Variants in OR52N5 observed in about 807,000 individuals in gnomAD.
The protein encoded by OR52N5 is olfactory receptor family 52 subfamily N member 5.
A neutral mutation model predicts 14.1 loss-of-function variants in OR52N5; 10 were observed. The ratio of observed to expected loss-of-function variants is 0.71; its 90% CI spans 0.44 to 1.20. The LOEUF is 1.20. Ranked by LOEUF, OR52N5 falls within the 50% of genes most tolerant of loss-of-function variation. The pLI, the probability that OR52N5 is intolerant of heterozygous loss-of-function variation, is 0.00. For synonymous variants in OR52N5, 116 were observed against 143.0 expected, an observed-to-expected ratio of 0.81 and a Z score of 1.35; for missense variants, 361 against 403.2, an observed-to-expected ratio of 0.90 and a Z score of 0.90.
In OR52N5 at chr11:5,777,968, T is replaced by C. The variant is rs746749707; in HGVS notation, c.667A>G (p.Ile223Val). The C allele has an allele frequency of 1.4e-5, 22 of 1,519,324 alleles. 5 individuals are homozygous for C. The highest frequency in any genetic ancestry group is 7.2e-5 in the Admixed American group (4 of 55,586). The allele number at this position is 1,519,324 out of a possible 1,614,324, so 94.1% of individuals were successfully genotyped here. A position where few individuals can be genotyped will look rare whatever the true frequency, so the allele number is the denominator to read the frequency against. Residue 223 changes from isoleucine (I) to valine (V), a missense_variant, in exon 3 of 3, where the codon ATA becomes GTA. By Grantham distance (29) the Ile-to-Val change is conservative. Coordinates refer to ENST00000641181, the MANE Select transcript of OR52N5 (RefSeq NM_001385662.1). Reference sequence around the variant, plus strand: ...AGGATCAAAGTGTAAGACAAAGATATACAACAAATGTCAAACACTCCAATC... The same window carrying C: ...AGGATCAAAGTGTAAGACAAAGATACACAACAAATGTCAAACACTCCAATC... ...LLIGVFDICC[I>V]SLSYTLILKA...
chr11:5,778,153 C>A lies in OR52N5; in HGVS notation c.482G>T (p.Gly161Val), dbSNP rs1160030214. Residue 161 changes from glycine to valine, a missense_variant, in exon 3 of 3, where the codon GGT becomes GTT. Gly to Val is a moderately radical substitution (Grantham distance 109). Transcript: ENST00000641181. ...TGGGAAAGGAATCATCAGCAATACA[C>A]CCCTCAGGAAGGTGGCAAGCTCAGC... ...AKAELATFLR[G>V]VLLMIPFPFL... 7.2e-6 allele frequency: 11 copies of A among 1,521,134 alleles called. 2 individuals are homozygous for A. The highest frequency in any genetic ancestry group is 4.7e-5 in the East Asian group (2 of 42,906). 94.2% of individuals were successfully genotyped at this position (1,521,134 alleles called of 1,614,324 possible).
In OR52N5 at chr11:5,777,815, C is replaced by A; in HGVS notation, c.820G>T (p.Gly274Trp). 1.3e-6 allele frequency: 2 copies of A among 1,520,486 alleles called. 1 individual carries two copies. Among genetic ancestry groups the A allele is most frequent in the Non-Finnish European group, 1.8e-6 (2 of 1,114,384 alleles). 94.2% of individuals were successfully genotyped at this position (1,520,486 alleles called of 1,614,324 possible). ...AFFTFFAHRFGGHTIPPSLHI... is the reference protein window; with the variant it reads ...AFFTFFAHRFWGHTIPPSLHI... ...AGAGAAGGGGGAATTGTGTGTCCCC[C>A]AAAACGGTGGGCAAAGAAAGTGAAG... The change falls in exon 3 of 3, where the codon GGG becomes TGG. Residue 274 changes from glycine (G) to tryptophan (W), a missense_variant. Gly to Trp is a radical substitution (Grantham distance 184). Coordinates refer to ENST00000641181, the MANE Select transcript of OR52N5 (RefSeq NM_001385662.1).
Position 5,779,156 on chromosome 11 carries a change from T to A in OR52N5, c.-23-499A>T, listed in dbSNP as rs556433821. Among the ~76,000 whole-genome samples, 76 of 140,042 alleles carry A rather than the reference T, an allele frequency of 5.4e-4. 13 individuals carry two copies. The South Asian group carries it at 0.017, about 31-fold the overall frequency. 91.9% of individuals were successfully genotyped at this position (140,042 alleles called of 152,430 possible). A position where few individuals can be genotyped will look rare whatever the true frequency, so the allele number is the denominator to read the frequency against. On this transcript the variant is annotated intron_variant, in intron 2 of 2. Transcript: ENST00000641181. The stretch of plus-strand genomic sequence containing the variant: ...ATAGCACATTATTCATATTTCAGTT[T>A]TTTCTATACTAACTGTGTGACTTGA...
At position 5,778,395 on chromosome 11, in the gene OR52N5, G is replaced by A. The variant is rs1317879136; in HGVS notation, c.240C>T (p.Leu80=). 1.3e-6 allele frequency: 2 copies of A among 1,519,726 alleles called. 1 individual carries two copies. Among genetic ancestry groups the A allele is most frequent in the South Asian group, 2.3e-5 (2 of 85,780 alleles). The allele number at this position is 1,519,726 out of a possible 1,614,324, so 94.1% of individuals were successfully genotyped here. ...TGGGTAGAGTGGTGGTGCAGGTAAG[G>A]AGGTCAATGAGGGAGAGAGCATGGC... ...FFGHALSLID[L]LTCTTTLPNA... Residue 80 remains leucine (L), a synonymous_variant, in exon 3 of 3, where the codon CTC becomes CTT. Coordinates refer to ENST00000641181, the MANE Select transcript of OR52N5 (RefSeq NM_001385662.1).
Position 5,782,211 on chromosome 11 carries a change from A to T in OR52N5, c.-247-455T>A, listed in dbSNP as rs887272561. ...ACATATTTCATTTGTAAAATTAAAA[A>T]ATATATATATATTATCGACTGTATC... is the stretch of plus-strand genomic sequence containing the variant. On this transcript the variant is annotated intron_variant, in intron 1 of 2. Coordinates refer to ENST00000641181, the MANE Select transcript of OR52N5 (RefSeq NM_001385662.1). Among the ~76,000 whole-genome samples, 12 of 139,266 alleles carry T rather than the reference A, an allele frequency of 8.6e-5. 1 individual carries two copies. Among genetic ancestry groups the T allele is most frequent in the Non-Finnish European group, 9.5e-5 (6 of 63,176 alleles). 91.4% of individuals were successfully genotyped at this position (139,266 alleles called of 152,430 possible). A position where few individuals can be genotyped will look rare whatever the true frequency, so the allele number is the denominator to read the frequency against.
At chr11:5,782,518 C>G (rs1241176161) in intron 1 of OR52N5, among the ~76,000 whole-genome samples, 1 of 140,312 alleles carries the variant, frequency 7.1e-6, no homozygotes, top group African/African-American at 2.6e-5. Context: ...AATCAAGACT[C>G]TTTGTTCAAT....
intron 2 of OR52N5, 110 bp from the exon 3 acceptor site, chr11:5,778,767 T>C (rs1218148813): frequency 3.5e-6 from 2 of 578,814 alleles, no homozygotes; most frequent in Admixed American, 3.5e-5. Context: ...TATACATAAG[T>C]GACTATGAAA....
In OR52N5 at chr11:5,778,059, A is replaced by C. The variant is rs150343311; in HGVS notation, c.576T>G (p.Ser192=). 2.5e-4 allele frequency: 380 copies of C among 1,520,934 alleles called. 64 individuals are homozygous for C. In the African/African-American group the frequency reaches 5.0e-3, roughly 20 times the overall value. 94.2% of individuals were successfully genotyped at this position (1,520,934 alleles called of 1,614,324 possible). The change falls in exon 3 of 3, where the codon TCT becomes TCG. Residue 192 remains serine, a synonymous_variant. Transcript: ENST00000641181. Reference sequence around the variant, plus strand: ...TGCTGGCACAAGATAGCTTTACTACAGACATGTGGTCGCAGTACGTATGGG... The same window carrying C: ...TGCTGGCACAAGATAGCTTTACTACCGACATGTGGTCGCAGTACGTATGGG... ...IISHTYCDHM[S]VVKLSCASIK...
intron 2 of OR52N5, among the ~76,000 whole-genome samples, chr11:5,779,759 C>T (rs1854534342): frequency 7.2e-6 from 1 of 139,314 alleles, no homozygotes; most frequent in Non-Finnish European, 1.6e-5. Context: ...CCAAAATAGA[C>T]TTTACCTCTA....
rs1456788728 is a variant in OR52N5 at position 5,778,074 on chromosome 11, G to C, written c.561C>G (p.Tyr187Ter). ...GCTTTACTACAGACATGTGGTCGCA[G>C]TACGTATGGGAGATAATATTGCTTT... Reference protein sequence around the residue: ...FCQSNIISHTYCDHMSVVKLS... With the variant: ...FCQSNIISHT The change falls in exon 3 of 3, where the codon TAC becomes TAG. Residue 187 changes from tyrosine to a stop codon, truncating the protein, a stop_gained. Coordinates refer to ENST00000641181, the MANE Select transcript of OR52N5 (RefSeq NM_001385662.1). LOFTEE classifies it high-confidence loss of function. The C allele has an allele frequency of 6.6e-7, 1 of 1,519,456 alleles. No individual in the cohort carries two copies. The highest frequency in any genetic ancestry group is 1.2e-5 in the South Asian group (1 of 85,842). The allele number at this position is 1,519,456 out of a possible 1,614,324, so 94.1% of individuals were successfully genotyped here.
rs1020046625 is a variant in OR52N5, at chr11:5,780,861, TA to T, written c.-24+671del. On this transcript the variant is annotated intron_variant, in intron 2 of 2. Coordinates refer to ENST00000641181, the MANE Select transcript of OR52N5 (RefSeq NM_001385662.1). ...ATATCCACACTCAGAAGAAAAAAAT[TA>T]GACCCTTATCTCATACCACATACAA... Among the ~76,000 whole-genome samples the T allele has an allele frequency of 4.3e-5, 6 of 139,724 alleles. 2 individuals carry two copies. Among genetic ancestry groups the T allele is most frequent in the African/African-American group, 1.6e-4 (6 of 38,194 alleles). 91.7% of individuals were successfully genotyped at this position (139,724 alleles called of 152,430 possible).
chr11:5,778,282 C>A lies in OR52N5; in HGVS notation c.353G>T (p.Gly118Val), dbSNP rs149520166. The change falls in exon 3 of 3, where the codon GGT (glycine) becomes GTT (valine). Residue 118 changes from glycine (G) to valine (V), a missense_variant. Coordinates refer to ENST00000641181, the MANE Select transcript of OR52N5 (RefSeq NM_001385662.1). ...GAGCATGAGCACCCCAGACTCCACACCTGTGAACCCATGAACAAAGAACAT... is the reference window on the plus strand; with the variant it reads ...GAGCATGAGCACCCCAGACTCCACAACTGTGAACCCATGAACAAAGAACAT... Reference protein sequence around the residue: ...AQMFFVHGFTGVESGVLMLMA... With the variant: ...AQMFFVHGFTVVESGVLMLMA... 1 of 1,521,124 alleles carries A rather than the reference C, an allele frequency of 6.6e-7. No homozygotes were observed. The highest frequency in any genetic ancestry group is 9.0e-7 in the Non-Finnish European group (1 of 1,114,824). The allele number at this position is 1,521,124 out of a possible 1,614,324, so 94.2% of individuals were successfully genotyped here. A position where few individuals can be genotyped will look rare whatever the true frequency, so the allele number is the denominator to read the frequency against.
At chr11:5,782,972 G>A (rs1266515535) in intron 1 of OR52N5, among the ~76,000 whole-genome samples, 1 of 137,726 alleles carries the variant, frequency 7.3e-6, no homozygotes, top group African/African-American at 2.7e-5. Flanking sequence ...AGTTCTTACT[G>A]TCCACTTCTC....
chr11:5,778,583 G>C lies in OR52N5; in HGVS notation c.52C>G (p.Pro18Ala), dbSNP rs1272223454. Residue 18 changes from proline (P) to alanine (A), a missense_variant, in exon 3 of 3, where the codon CCA becomes GCA. By Grantham distance (27) the Pro-to-Ala change is conservative. Transcript: ENST00000641181. ...CWFPTIHVTP[P>A]SFILNGIPGL... is the part of the protein sequence containing the mutation. ...GGTATTCCATTAAGAATAAAAGATGGAGGAGTCACATGAATTGTTGGAAAC... is the reference window on the plus strand; with the variant it reads ...GGTATTCCATTAAGAATAAAAGATGCAGGAGTCACATGAATTGTTGGAAAC... The C allele has an allele frequency of 6.7e-7, 1 of 1,486,888 alleles. No homozygotes were observed. The highest frequency in any genetic ancestry group is 9.2e-7 in the Non-Finnish European group (1 of 1,088,468). 92.1% of individuals were successfully genotyped at this position (1,486,888 alleles called of 1,614,324 possible).
Position 5,778,654 on chromosome 11 carries a change from C to T in OR52N5, c.-20G>A, listed in dbSNP as rs1001790192. The T allele has an allele frequency of 7.3e-6, 10 of 1,364,060 alleles. 2 individuals carry two copies. Among genetic ancestry groups the T allele is most frequent in the Non-Finnish European group, 9.9e-6 (10 of 1,013,470 alleles). The allele number at this position is 1,364,060 out of a possible 1,614,324, so 84.5% of individuals were successfully genotyped here. A position where few individuals can be genotyped will look rare whatever the true frequency, so the allele number is the denominator to read the frequency against. On this transcript the variant is annotated 5_prime_UTR_variant, in exon 3 of 3. It removes an upstream start codon present in the reference 5' UTR. Coordinates refer to ENST00000641181, the MANE Select transcript of OR52N5 (RefSeq NM_001385662.1). ...AGGCATTCTATTTTTCCAGAAGTTT[C>T]ATCCTGAAGAGAAGGAATTATGAAA...
rs1357412205 is a variant in OR52N5, at chr11:5,777,627, A to G, written c.*33T>C. On this transcript the variant is annotated 3_prime_UTR_variant, in exon 3 of 3. Transcript: ENST00000641181. ...GTTTATTCTTTGTTATTTTTCATTT[A>G]TCTTTCTTCCATCTGAATTAAGTTG... 5 of 1,341,126 alleles carry G rather than the reference A, an allele frequency of 3.7e-6. No individual in the cohort carries two copies. Among genetic ancestry groups the G allele is most frequent in the Non-Finnish European group, 5.0e-6 (5 of 995,926 alleles). 83.1% of individuals were successfully genotyped at this position (1,341,126 alleles called of 1,614,324 possible).
chr11:5,778,688 A>T lies in OR52N5; in HGVS notation c.-23-31T>A, dbSNP rs1375995730. 4 of 1,203,694 alleles carry T rather than the reference A, an allele frequency of 3.3e-6. 1 individual carries two copies. In the South Asian group the frequency reaches 4.9e-5, roughly 15 times the overall value. 74.6% of individuals were successfully genotyped at this position (1,203,694 alleles called of 1,614,324 possible). On this transcript the variant is annotated intron_variant, in intron 2 of 2. Transcript: ENST00000641181. Reference sequence around the variant, plus strand: ...GAGAAGGAATTATGAAACAAATTTCATTCAAATTTTCCTTGCAAATACAAA... The same window carrying T: ...GAGAAGGAATTATGAAACAAATTTCTTTCAAATTTTCCTTGCAAATACAAA...
rs976399794 is a variant in OR52N5, at chr11:5,781,501, C to T, written c.-24+32G>A. On this transcript the variant is annotated intron_variant, in intron 2 of 2. Transcript: ENST00000641181. ...TAAAAAAGGCAACAGAATGTAGGCA[C>T]GCATTTGAGGTATAATAATAACAAA... 2.1e-5 allele frequency: 3 copies of T among 140,478 alleles called. 1 individual carries two copies. Among genetic ancestry groups the T allele is most frequent in the Non-Finnish European group, 3.1e-5 (2 of 63,530 alleles). The allele number at this position is 140,478 out of a possible 1,614,324, so 8.7% of individuals were successfully genotyped here.
At chr11:5,781,982 C>G (rs1854551374) in intron 1 of OR52N5, among the ~76,000 whole-genome samples, 1 of 140,198 alleles carries the variant, frequency 7.1e-6, no homozygotes, top group Non-Finnish European at 1.6e-5. Flanking sequence ...GGCATCTGAA[C>G]GACCTATCCT....
Sources: allele counts gnomAD v4.1 joint callset (sites outside exome capture counted in the v4.1 genomes callset), GRCh38; gene constraint gnomAD v4.1.1; transcripts MANE v1.5; gene names NCBI Gene and HGNC (gene_info 2026-07-23, HGNC 2026-07-21).